The following TMEM119 variants were observed in gnomAD, a reference collection of about 807,000 sequenced individuals.
The protein encoded by TMEM119 is osteoblast induction factor.
For synonymous variants in TMEM119, 182 were observed against 176.4 expected, an observed-to-expected ratio of 1.03 and a Z score of -0.25; for missense variants, 410 against 381.0, an observed-to-expected ratio of 1.08 and a Z score of -0.63.
At chr12:108,594,561 A>AG (rs2031474100) in intron 1 of TMEM119, 1 of 150,458 alleles carries the variant, frequency 6.6e-6, no homozygotes, top group Non-Finnish European at 1.5e-5. Flanking sequence ...AAAAAAAAAA[A>AG]GAAAGAAAGA....
intron 1 of TMEM119, among the ~76,000 whole-genome samples, chr12:108,595,638 TACAC>T (rs1458032183): frequency 1.4e-5 from 2 of 147,036 alleles, no homozygotes; most frequent in Non-Finnish European, 3.0e-5. Context: ...ACACTCCACA[TACAC>T]ACAACCATAC....
rs1233613466 is a variant in TMEM119, at chr12:108,590,813, C to G, written c.*719G>C. 1 of 152,176 alleles carries G rather than the reference C, an allele frequency of 6.6e-6. No homozygotes were observed. The highest frequency in any genetic ancestry group is 2.4e-5 in the African/African-American group (1 of 41,412). 9.4% of individuals were successfully genotyped at this position (152,176 alleles called of 1,614,324 possible). A position where few individuals can be genotyped will look rare whatever the true frequency, so the allele number is the denominator to read the frequency against. ...CTCTCACAGAAGTGTCCTAATTAAC[C>G]ACACACACTTCTGCTGCTGGAGCTC... On this transcript the variant is annotated 3_prime_UTR_variant, in exon 2 of 2. Coordinates refer to ENST00000392806, the MANE Select transcript of TMEM119 (RefSeq NM_181724.3).
chr12:108,591,565 G>T lies in TMEM119; in HGVS notation c.819C>A (p.Pro273=), dbSNP rs758610217. 2.5e-6 allele frequency: 4 copies of T among 1,611,558 alleles called. No individual in the cohort carries two copies. The African/African-American group carries it at 5.3e-5, about 22-fold the overall frequency. ...TGGGGTGGACACTGCTGCAAGCACA[G>T]GGGCTTTCGGGGGGACCCACTGGTC... is the stretch of plus-strand genomic sequence containing the variant. ...AQGPVGPPES[P]CACSSVHPSV The change falls in exon 2 of 2, where the codon CCC becomes CCA. Residue 273 remains proline, a synonymous_variant. Coordinates refer to ENST00000392806, the MANE Select transcript of TMEM119 (RefSeq NM_181724.3). This position sits in a 1 kb window ranked among gnomAD's most constrained non-coding sequence, Gnocchi z 4.2.
At position 108,591,925 on chromosome 12, in the gene TMEM119, G is replaced by A; in HGVS notation, c.459C>T (p.Val153=). 1.2e-6 allele frequency: 2 copies of A among 1,613,284 alleles called. No homozygotes were observed. Among genetic ancestry groups the A allele is most frequent in the Non-Finnish European group, 1.7e-6 (2 of 1,179,784 alleles). The change falls in exon 2 of 2, where the codon GTC becomes GTT. Residue 153 remains valine, a synonymous_variant. Coordinates refer to ENST00000392806, the MANE Select transcript of TMEM119 (RefSeq NM_181724.3). This position sits in a 1 kb window ranked among gnomAD's most constrained non-coding sequence, Gnocchi z 4.2. ...GCCTGCTGTCGGGGGCTCTGTCGGG[G>A]ACCTCACTGAAGGCCCGGGGGCCCC... ...RAGGPRAFSE[V]PDRAPDSRPE... is the part of the protein sequence containing the mutation.
rs2136737653 is a variant in TMEM119 at position 108,590,539 on chromosome 12, A to G, written c.*993T>C. The G allele has an allele frequency of 6.6e-6, 1 of 152,268 alleles. No homozygotes were observed. Among genetic ancestry groups the G allele is most frequent in the Middle Eastern group, 3.4e-3 (1 of 296 alleles). 9.4% of individuals were successfully genotyped at this position (152,268 alleles called of 1,614,324 possible). On this transcript the variant is annotated 3_prime_UTR_variant, in exon 2 of 2. Coordinates refer to ENST00000392806, the MANE Select transcript of TMEM119 (RefSeq NM_181724.3). ...TGGTGAAGCCCCATCTCTACTAAAA[A>G]TACAAAATTTAGCTGGGCGCAGTGG...
At position 108,591,476 on chromosome 12, in the gene TMEM119, C is replaced by T. The variant is rs866258538; in HGVS notation, c.*56G>A. 28 of 1,517,336 alleles carry T rather than the reference C, an allele frequency of 1.8e-5. No homozygotes were observed. The highest frequency in any genetic ancestry group is 6.4e-5 in the Admixed American group (3 of 46,906). The allele number at this position is 1,517,336 out of a possible 1,614,324, so 94.0% of individuals were successfully genotyped here. On this transcript the variant is annotated 3_prime_UTR_variant, in exon 2 of 2. Coordinates refer to ENST00000392806, the MANE Select transcript of TMEM119 (RefSeq NM_181724.3). This position sits in a 1 kb window ranked among gnomAD's most constrained non-coding sequence, Gnocchi z 4.2. ...TCAGGGCTGAAGGCCTTTTCATACA[C>T]GGGGAGGTGACCACTTGGGGGCCCG...
chr12:108,597,171 T>G (rs1176001080), intron 1 of TMEM119, among the ~76,000 whole-genome samples: 1 of 152,134 alleles, frequency 6.6e-6, no homozygotes, highest in Non-Finnish European at 1.5e-5. Flanking sequence ...GCAAATGCCC[T>G]AAGATGGTCC....
At chr12:108,594,654 A>C (rs1293385198) in intron 1 of TMEM119, 3 of 151,840 alleles carry the variant, frequency 2.0e-5, no homozygotes, top group Non-Finnish European at 4.4e-5. Flanking sequence ...AAAAAGAGGC[A>C]AAATTGGCCA....
Position 108,592,268 on chromosome 12 carries a change from G to T in TMEM119, c.116C>A (p.Ala39Glu), listed in dbSNP as rs187778697. Residue 39 changes from alanine (A) to glutamate (E), a missense_variant, in exon 2 of 2, where the codon GCG becomes GAG. Physicochemically the swap from Ala to Glu is moderately radical, Grantham distance 107. Coordinates refer to ENST00000392806, the MANE Select transcript of TMEM119 (RefSeq NM_181724.3). This position sits in a 1 kb window ranked among gnomAD's most constrained non-coding sequence, Gnocchi z 4.3. ...CGAGCCCTCGGCCTCCCCACTACCC[G>T]CCACATCCTCCAGGAACGTGGCCTT... Reference protein sequence around the residue: ...PLKATFLEDVAGSGEAEGSSA... With the variant: ...PLKATFLEDVEGSGEAEGSSA... 1.2e-6 allele frequency: 2 copies of T among 1,609,002 alleles called. No homozygotes were observed. The highest frequency in any genetic ancestry group is 3.4e-5 in the Admixed American group (2 of 59,538).
intron 1 of TMEM119, among the ~76,000 whole-genome samples, chr12:108,593,513 T>G (rs1407602215): frequency 6.6e-6 from 1 of 151,284 alleles, no homozygotes; most frequent in Non-Finnish European, 1.5e-5. Context: ...GCAGGGGTCA[T>G]GGATGCCAGG....
chr12:108,592,194 G>A lies in TMEM119; in HGVS notation c.190C>T (p.Pro64Ser). The A allele has an allele frequency of 6.2e-7, 1 of 1,613,724 alleles. No individual in the cohort carries two copies. Among genetic ancestry groups the A allele is most frequent in the Non-Finnish European group, 8.5e-7 (1 of 1,179,892 alleles). ...ATGGGCTGGGGCCCCATCGATGTGG[G>A]GCTGAGGGCCGGGGTCCAGGGTGGC... ...LPPPWTPALSPTSMGPQPITL... is the reference protein window; with the variant it reads ...LPPPWTPALSSTSMGPQPITL... Residue 64 changes from proline (P) to serine (S), a missense_variant, in exon 2 of 2, where the codon CCC becomes TCC. Physicochemically the swap from Pro to Ser is moderately conservative, Grantham distance 74. Coordinates refer to ENST00000392806, the MANE Select transcript of TMEM119 (RefSeq NM_181724.3). This position sits in a 1 kb window ranked among gnomAD's most constrained non-coding sequence, Gnocchi z 4.3.
intron 1 of TMEM119, among the ~76,000 whole-genome samples, chr12:108,593,470 G>A (rs1196232048): frequency 7.9e-5 from 12 of 151,746 alleles, no homozygotes; most frequent in East Asian, 3.9e-4. Context: ...AAAAAGATTC[G>A]TAGGGTTTGA....
In TMEM119 at chr12:108,592,015, C is replaced by T. The variant is rs1176854719; in HGVS notation, c.369G>A (p.Lys123=). Reference sequence around the variant, plus strand: ...AGGACGATGGGTAATAGGCCGAGGCCTTCTGCTTCTGCCGGGTGATGACCG... The same window carrying T: ...AGGACGATGGGTAATAGGCCGAGGCTTTCTGCTTCTGCCGGGTGATGACCG... ...CAAVITRQKQ[K]ASAYYPSSFP... Residue 123 remains lysine, a synonymous_variant, in exon 2 of 2, where the codon AAG becomes AAA. Coordinates refer to ENST00000392806, the MANE Select transcript of TMEM119 (RefSeq NM_181724.3). This position sits in a 1 kb window ranked among gnomAD's most constrained non-coding sequence, Gnocchi z 4.3. 3 of 1,614,016 alleles carry T rather than the reference C, an allele frequency of 1.9e-6. No individual in the cohort carries two copies. In the Admixed American group the frequency reaches 5.0e-5, roughly 27 times the overall value.
Position 108,592,109 on chromosome 12 carries a change from C to T in TMEM119, c.275G>A (p.Arg92His), listed in dbSNP as rs201482418. Reference sequence around the variant, plus strand: ...CACAGCAATCAGCATCACGTACTGGCGGAAGAAGTCCACTATCCCATCCAG... The same window carrying T: ...CACAGCAATCAGCATCACGTACTGGTGGAAGAAGTCCACTATCCCATCCAG... The part of the protein sequence containing the change: ...NFLDGIVDFF[R>H]QYVMLIAVVG... Residue 92 changes from arginine (R) to histidine (H), a missense_variant, in exon 2 of 2, where the codon CGC (arginine) becomes CAC (histidine). Arg to His is a conservative substitution (Grantham distance 29). Coordinates refer to ENST00000392806, the MANE Select transcript of TMEM119 (RefSeq NM_181724.3). The surrounding 1 kb of genome is among the most constrained non-coding windows in gnomAD (Gnocchi z 4.3). 2.6e-4 allele frequency: 412 copies of T among 1,614,142 alleles called. 1 individual carries two copies. Among genetic ancestry groups the T allele is most frequent in the South Asian group, 1.5e-3 (139 of 91,072 alleles).
At chr12:108,593,565 G>A (rs1339617306) in intron 1 of TMEM119, among the ~76,000 whole-genome samples, 1 of 152,190 alleles carries the variant, frequency 6.6e-6, no homozygotes, top group East Asian at 1.9e-4. Flanking sequence ...TCACCCCCAG[G>A]CTCCAAGCAG....
chr12:108,591,337 C>T lies in TMEM119; in HGVS notation c.*195G>A. On this transcript the variant is annotated 3_prime_UTR_variant, in exon 2 of 2. Coordinates refer to ENST00000392806, the MANE Select transcript of TMEM119 (RefSeq NM_181724.3). The surrounding 1 kb of genome is among the most constrained non-coding windows in gnomAD (Gnocchi z 4.2). ...GGGCTGCTGAGGTGAAGGATGATGG[C>T]ACTTGGTAAGATTCCTCCGGGGCAC... 1.6e-6 allele frequency: 1 copy of T among 618,876 alleles called. No homozygotes were observed. Among genetic ancestry groups the T allele is most frequent in the Non-Finnish European group, 2.7e-6 (1 of 371,134 alleles). The allele number at this position is 618,876 out of a possible 1,614,324, so 38.3% of individuals were successfully genotyped here.
At chr12:108,595,671 C>T (rs996693400) in intron 1 of TMEM119, among the ~76,000 whole-genome samples, 1 of 151,406 alleles carries the variant, frequency 6.6e-6, no homozygotes, top group Non-Finnish European at 1.5e-5. Context: ...CACACACACT[C>T]ACCTACACAA....
At chr12:108,595,748 C>T (rs773081269) in intron 1 of TMEM119, among the ~76,000 whole-genome samples, 7 of 152,102 alleles carry the variant, frequency 4.6e-5, no homozygotes, top group Non-Finnish European at 8.8e-5. Flanking sequence ...GTGGACATCA[C>T]CTGTCAGATG....
chr12:108,592,352 A>T lies in TMEM119; in HGVS notation c.32T>A (p.Ile11Asn). 6.3e-7 allele frequency: 1 copy of T among 1,575,832 alleles called. No individual in the cohort carries two copies. Among genetic ancestry groups the T allele is most frequent in the South Asian group, 1.1e-5 (1 of 87,978 alleles). MVSAAAPSLL[I>N]LLLLLLGSVP... is the part of the protein sequence containing the mutation. ...AGACCCCAGGAGCAGCAACAGAAGG[A>T]TGAGGAGGCTGGGGGCTGCCGCCGA... The change falls in exon 2 of 2, where the codon ATC (isoleucine) becomes AAC (asparagine). Residue 11 changes from isoleucine to asparagine, a missense_variant. Coordinates refer to ENST00000392806, the MANE Select transcript of TMEM119 (RefSeq NM_181724.3). This position sits in a 1 kb window ranked among gnomAD's most constrained non-coding sequence, Gnocchi z 4.3.
Sources: gnomAD v4.1 joint callset for allele counts (sites outside exome capture counted in the v4.1 genomes callset) on GRCh38, gnomAD v4.1.1 for gene constraint, Gnocchi (gnomAD v3.1) non-coding constraint, MANE v1.5 for transcripts, NCBI Gene and HGNC (gene_info 2026-07-23, HGNC 2026-07-21) for gene names.